Variants in LOC122539214 observed in about 807,000 individuals in gnomAD.
chr19:52,661,982 G>A, the LOC122539214 span, among the ~76,000 whole-genome samples: 3,808 of 152,268 alleles, frequency 0.025, 154 homozygotes, highest in African/African-American at 0.082. Flanking sequence ...CCCAGAAAAA[G>A]GAAAGAAACC....
chr19:52,674,656 A>G, the LOC122539214 span, among the ~76,000 whole-genome samples: 1 of 152,104 alleles, frequency 6.6e-6, no homozygotes, highest in African/African-American at 2.4e-5. Context: ...AATTAAGAAA[A>G]CACTTCCATT....
chr19:52,681,425 A>T, the LOC122539214 span, among the ~76,000 whole-genome samples: 1 of 152,190 alleles, frequency 6.6e-6, no homozygotes, highest in Non-Finnish European at 1.5e-5. Flanking sequence ...ATTTGATAGA[A>T]AAGAAAAGAG....
the LOC122539214 span, among the ~76,000 whole-genome samples, chr19:52,680,637 G>C: frequency 8.2e-6 from 1 of 122,598 alleles, no homozygotes; most frequent in Non-Finnish European, 1.6e-5. Context: ...TTTTGAGACG[G>C]AGTCTCGCTC....
chr19:52,654,019 GTT>G, the LOC122539214 span: 1 of 1,557,826 alleles, frequency 6.4e-7, no homozygotes, highest in East Asian at 2.3e-5. Context: ...TCTTTGGGAT[GTT>G]GAAACCAAGG....
chr19:52,655,574 G>C, the LOC122539214 span: 1 of 1,500,132 alleles, frequency 6.7e-7, no homozygotes, highest in Non-Finnish European at 9.3e-7. Flanking sequence ...CAGACTCCAG[G>C]TTCCTGTAGT....
chr19:52,689,245 G>A, the LOC122539214 span, among the ~76,000 whole-genome samples: 20 of 152,288 alleles, frequency 1.3e-4, no homozygotes, highest in South Asian at 8.3e-4. Flanking sequence ...CACTGAGCCA[G>A]TGCGTACCTA....
chr19:52,688,545 CTCTTG>C, the LOC122539214 span, among the ~76,000 whole-genome samples: 1 of 151,742 alleles, frequency 6.6e-6, no homozygotes. Flanking sequence ...CTCTCTCTAG[CTCTTG>C]TTTTATTTTC....
At chr19:52,685,036 G>A in the LOC122539214 span, among the ~76,000 whole-genome samples, 1 of 152,236 alleles carries the variant, frequency 6.6e-6, no homozygotes, top group Non-Finnish European at 1.5e-5. Context: ...CTCTGTGTCT[G>A]AGTCTACCGC....
chr19:52,657,424 A>G, the LOC122539214 span, among the ~76,000 whole-genome samples: 1 of 152,070 alleles, frequency 6.6e-6, no homozygotes. Flanking sequence ...AGCCTCATCA[A>G]TATGGTGAAA....
the LOC122539214 span, among the ~76,000 whole-genome samples, chr19:52,679,025 C>A: frequency 6.6e-6 from 1 of 151,474 alleles, no homozygotes; most frequent in Non-Finnish European, 1.5e-5. Context: ...CATTCAACCT[C>A]ACAAGCTCCC....
chr19:52,653,420 C>T, the LOC122539214 span: 1 of 840,784 alleles, frequency 1.2e-6, no homozygotes, highest in South Asian at 1.3e-5. Flanking sequence ...TCAGTATGAA[C>T]TCTGTTATGG....
At chr19:52,672,903 T>C in the LOC122539214 span, among the ~76,000 whole-genome samples, 1 of 152,136 alleles carries the variant, frequency 6.6e-6, no homozygotes, top group South Asian at 2.1e-4. Context: ...CAGAAATAAT[T>C]AATAAATAGA....
chr19:52,687,986 A>C, the LOC122539214 span, among the ~76,000 whole-genome samples: 2 of 152,034 alleles, frequency 1.3e-5, no homozygotes, highest in African/African-American at 2.4e-5. Flanking sequence ...TCCAACTGGA[A>C]GCTAACCTCT....
At chr19:52,654,449 T>C in the LOC122539214 span, 6 of 749,632 alleles carry the variant, frequency 8.0e-6, no homozygotes, top group Non-Finnish European at 1.0e-5. Flanking sequence ...GTACAGATGG[T>C]AAATAATATT....
At chr19:52,659,508 G>C in the LOC122539214 span, among the ~76,000 whole-genome samples, 1 of 150,666 alleles carries the variant, frequency 6.6e-6, no homozygotes, top group African/African-American at 2.4e-5. Context: ...CTGTGTGTCA[G>C]TGTATGTTTT....
chr19:52,674,068 C>T, the LOC122539214 span: 1 of 150,820 alleles, frequency 6.6e-6, no homozygotes, highest in Non-Finnish European at 1.5e-5. Flanking sequence ...TTGGAAAGCA[C>T]CACACATTTG....
the LOC122539214 span, among the ~76,000 whole-genome samples, chr19:52,678,133 G>A: frequency 4.6e-5 from 7 of 151,836 alleles, no homozygotes; most frequent in African/African-American, 9.7e-5. Context: ...ACAATAATGC[G>A]CTAACTAAAA....
chr19:52,662,999 T>C, the LOC122539214 span, among the ~76,000 whole-genome samples: 3 of 151,894 alleles, frequency 2.0e-5, no homozygotes, highest in African/African-American at 4.8e-5. Context: ...CCCGTCTCTA[T>C]GAAAAGTACA....
At chr19:52,685,209 G>A in the LOC122539214 span, among the ~76,000 whole-genome samples, 1 of 152,102 alleles carries the variant, frequency 6.6e-6, no homozygotes, top group Non-Finnish European at 1.5e-5. Context: ...CTCAGGGTGA[G>A]CTTTTCTGGT....
Sources: gnomAD v4.1 joint callset for allele counts (sites outside exome capture counted in the v4.1 genomes callset) on GRCh38, gnomAD v4.1.1 for gene constraint, MANE v1.5 for transcripts.